MCM9: variants seen among roughly 807,000 people sequenced by gnomAD.
MCM9 encodes the protein DNA helicase MCM9.
In MCM9, 55 loss-of-function variants were observed where a neutral mutation model predicts 72.8. The ratio of observed to expected loss-of-function variants is 0.76; its 90% CI spans 0.61 to 0.95. The LOEUF (loss-of-function observed/expected upper bound fraction) is 0.95, where lower values mean the gene tolerates loss of function less well. Ranked by LOEUF, MCM9 falls within the 40% of genes least tolerant of loss-of-function variation. The pLI is 0.00. For synonymous variants in MCM9, 480 were observed against 503.4 expected, an observed-to-expected ratio of 0.95 and a Z score of 0.62; for missense variants, 1,279 against 1,377.0, an observed-to-expected ratio of 0.93 and a Z score of 1.13.
chr6:118,890,426 T>C (rs140420270), intron 8 of MCM9, among the ~76,000 whole-genome samples: 1,581 of 152,320 alleles, frequency 0.01, 30 homozygotes, highest in African/African-American at 0.036. Context: ...ACAGGTATTT[T>C]AAAGTTTTTT....
chr6:118,909,243 C>T (rs1459030702), intron 8 of MCM9: 1 of 152,078 alleles, frequency 6.6e-6, no homozygotes, highest in African/African-American at 2.4e-5. Context: ...GCCAAATCAC[C>T]AAATAAAGCC....
intron 9 of MCM9, among the ~76,000 whole-genome samples, chr6:118,830,777 T>C (rs1157011678): frequency 6.6e-6 from 1 of 152,208 alleles, no homozygotes; most frequent in Non-Finnish European, 1.5e-5. Context: ...CAACCAATAT[T>C]TATAGACCAT....
chr6:118,913,545 G>T, intron 6 of MCM9, 125 bp from the exon 7 acceptor site: 1 of 1,201,296 alleles, frequency 8.3e-7, no homozygotes, highest in Non-Finnish European at 1.2e-6. Flanking sequence ...TGATCAGGAG[G>T]TCCAATTCCA....
intron 8 of MCM9, among the ~76,000 whole-genome samples, chr6:118,866,561 G>A (rs1489782189): frequency 6.6e-6 from 1 of 152,118 alleles, no homozygotes; most frequent in East Asian, 1.9e-4. Flanking sequence ...TTCAAGAGAG[G>A]GGTTTAAGAG....
intron 8 of MCM9, chr6:118,905,901 T>C (rs1780147596): frequency 1.8e-6 from 2 of 1,130,480 alleles, no homozygotes; most frequent in Non-Finnish European, 1.2e-6. Context: ...TGCAATTTCA[T>C]AGTATACTAT....
chr6:118,820,038 GTCTA>G (rs1583322377), intron 13 of MCM9, among the ~76,000 whole-genome samples: 2 of 152,038 alleles, frequency 1.3e-5, no homozygotes, highest in South Asian at 2.1e-4. Context: ...ATGGCTAGCG[GTCTA>G]TCTATTTTGT....
chr6:118,918,053 A>G (rs1018680580), intron 5 of MCM9: 7 of 400,942 alleles, frequency 1.7e-5, no homozygotes, highest in African/African-American at 1.4e-4. Context: ...AAAATAGTTT[A>G]CTGGATGATT....
Position 118,815,951 on chromosome 6 carries a change from C to T in MCM9, c.2305G>A (p.Gly769Arg). 1 of 1,550,348 alleles carries T rather than the reference C, an allele frequency of 6.5e-7. No homozygotes were observed. The highest frequency in any genetic ancestry group is 8.7e-7 in the Non-Finnish European group (1 of 1,146,954). The change falls in exon 14 of 14, where the codon GGA (glycine) becomes AGA (arginine). Residue 769 changes from glycine (G) to arginine (R), a missense_variant. By Grantham distance (125) the Gly-to-Arg change is moderately radical (BLOSUM62 -2). Coordinates refer to ENST00000619706, the MANE Select transcript of MCM9 (RefSeq NM_017696.3). The part of the protein sequence containing the change: ...VVVSPHPKTS[G>R]ENMASKISNS... ...GAGATCTTCGAAGCCATATTTTCTC[C>T]AGATGTTTTGGGATGAGGAGACACA...
chr6:118,849,508 A>G (rs1020608747), intron 9 of MCM9, among the ~76,000 whole-genome samples: 2 of 151,648 alleles, frequency 1.3e-5, no homozygotes, highest in Non-Finnish European at 2.9e-5. Context: ...CTGAAGCATA[A>G]AAGGGCCAGT....
At chr6:118,828,836 T>C (rs576434447) in intron 10 of MCM9, among the ~76,000 whole-genome samples, 6 of 152,288 alleles carry the variant, frequency 3.9e-5, no homozygotes, top group African/African-American at 7.2e-5. Flanking sequence ...TTAGTCTCAT[T>C]AGTGGCAGGT....
intron 8 of MCM9, among the ~76,000 whole-genome samples, chr6:118,871,112 C>G (rs889704822): frequency 1.3e-5 from 2 of 152,094 alleles, no homozygotes; most frequent in Non-Finnish European, 2.9e-5. Context: ...GCCAATATCA[C>G]ACTAATACCA....
At chr6:118,843,650 ATATATGTGTATATATATATGTATG>A (rs1775576542) in intron 9 of MCM9, among the ~76,000 whole-genome samples, 1 of 70,546 alleles carries the variant, frequency 1.4e-5, no homozygotes, top group African/African-American at 5.9e-5. Context: ...ACATATATAT[ATATATGTGTATATATATATGTATG>A]TATATATATA....
chr6:118,849,629 C>T (rs1776098976), intron 9 of MCM9, among the ~76,000 whole-genome samples: 1 of 151,684 alleles, frequency 6.6e-6, no homozygotes, highest in African/African-American at 2.4e-5. Flanking sequence ...AGAAATTATT[C>T]ACATCAAAAA....
chr6:118,915,359 C>A (rs893039137), intron 6 of MCM9, among the ~76,000 whole-genome samples: 7 of 152,152 alleles, frequency 4.6e-5, no homozygotes, highest in Non-Finnish European at 8.8e-5. Context: ...CCTCAGTTAT[C>A]TCAATGAAGA....
intron 9 of MCM9, among the ~76,000 whole-genome samples, chr6:118,843,650 ATATATGTG>A (rs1339423330): frequency 4.3e-5 from 3 of 70,558 alleles, no homozygotes; most frequent in African/African-American, 1.2e-4. Flanking sequence ...ACATATATAT[ATATATGTG>A]TATATATATA....
rs541517040 is a variant in MCM9, at chr6:118,917,380, G to C, written c.904+181C>G. On this transcript the variant is annotated intron_variant, in intron 6 of 13. Coordinates refer to ENST00000619706, the MANE Select transcript of MCM9 (RefSeq NM_017696.3). ...ATATCTCCAGGCAGGTTGCTAAATA[G>C]AAGAGTATGGCAGAAAAAGGCTTCA... is the stretch of plus-strand genomic sequence containing the variant. Among the ~76,000 whole-genome samples, 7 of 152,298 alleles carry C rather than the reference G, an allele frequency of 4.6e-5. No individual in the cohort carries two copies. In the South Asian group the frequency reaches 1.5e-3, roughly 32 times the overall value.
chr6:118,895,010 C>T (rs1779274378), intron 8 of MCM9, among the ~76,000 whole-genome samples: 1 of 152,186 alleles, frequency 6.6e-6, no homozygotes, highest in African/African-American at 2.4e-5. Context: ...CCTCCTCTTG[C>T]CCCGCCGCCC....
intron 9 of MCM9, 59 bp from the exon 10 acceptor site, chr6:118,829,309 C>G: frequency 6.9e-7 from 1 of 1,451,254 alleles, no homozygotes; most frequent in Admixed American, 2.4e-5. Context: ...TGCAAGATTA[C>G]AGCTGTTAAT....
intron 10 of MCM9, 75 bp from the exon 11 acceptor site, chr6:118,828,205 T>A: frequency 1.7e-6 from 2 of 1,192,304 alleles, no homozygotes; most frequent in South Asian, 3.0e-5. Flanking sequence ...TTTATAAAGT[T>A]CTGGTACTCA....
Sources: gnomAD v4.1 joint callset for allele counts (sites outside exome capture counted in the v4.1 genomes callset) on GRCh38, gnomAD v4.1.1 for gene constraint, MANE v1.5 for transcripts, NCBI Gene and HGNC (gene_info 2026-07-23, HGNC 2026-07-21) for gene names.